The following LYZL1 variants were observed in gnomAD, a reference collection of about 807,000 sequenced individuals.
LYZL1 encodes lysozyme like 1.
LYZL1 carries 16 observed loss-of-function variants against 17.9 expected under a neutral mutation model. That is an observed-to-expected ratio of 0.90 (90% CI 0.61 to 1.36). The LOEUF (loss-of-function observed/expected upper bound fraction) is 1.36, where lower values mean the gene tolerates loss of function less well. Ranked by LOEUF, LYZL1 falls within the 40% of genes most tolerant of loss-of-function variation. LYZL1 has a pLI of 0.00. For synonymous variants in LYZL1, 58 were observed against 71.8 expected (o/e 0.81, Z 0.97); for missense variants, 149 against 188.4 (o/e 0.79, Z 1.22).
intron 1 of LYZL1, among the ~76,000 whole-genome samples, chr10:29,290,607 G>C (rs542634996): frequency 6.6e-6 from 1 of 152,182 alleles, no homozygotes; most frequent in African/African-American, 2.4e-5. Context: ...TTGGGAGGCC[G>C]AGGTGGGCAG....
In LYZL1 at chr10:29,289,417, C is replaced by CTT. The variant is rs11347424; in HGVS notation, c.-26+204_-26+205dup. ...TGTATCTTTTTTTCTTTTTTCTTTT[C>CTT]TTTTTTTTTTTTTTTTTTAGACAGG... On this transcript the variant is annotated intron_variant, in intron 1 of 4. Transcript: ENST00000649382. Among the ~76,000 whole-genome samples, 170 of 128,710 alleles carry CTT rather than the reference C, an allele frequency of 1.3e-3. 1 individual carries two copies. The highest frequency in any genetic ancestry group is 4.7e-3 in the African/African-American group (155 of 32,692). 84.4% of individuals were successfully genotyped at this position (128,710 alleles called of 152,430 possible). A position where few individuals can be genotyped will look rare whatever the true frequency, so the allele number is the denominator to read the frequency against.
intron 3 of LYZL1, among the ~76,000 whole-genome samples, chr10:29,300,713 G>A (rs10826602): frequency 0.39 from 59,534 of 151,958 alleles, 11,995 homozygotes; most frequent in African/African-American, 0.5. Flanking sequence ...GAGGTCTACT[G>A]GCAAGCATTT....
At position 29,290,486 on chromosome 10, in the gene LYZL1, C is replaced by G. The variant is rs576120860; in HGVS notation, c.-26+1256C>G. Among the ~76,000 whole-genome samples the G allele has an allele frequency of 1.4e-4, 22 of 152,248 alleles. No individual in the cohort carries two copies. In the South Asian group the frequency reaches 4.4e-3, roughly 30 times the overall value. On this transcript the variant is annotated intron_variant, in intron 1 of 4. Transcript: ENST00000649382. ...AGTCAGGTGCCAGACTTTTAGGAGG[C>G]CCCCCGGAGCACTGGTGGTGAAGCT...
At position 29,302,552 on chromosome 10, in the gene LYZL1, G is replaced by A. The variant is rs566110970; in HGVS notation, c.299-7558G>A. The stretch of plus-strand genomic sequence containing the variant: ...AGCTGTACATGGATGTTCATATGTC[G>A]CATGTCTCATTAGCATCTTAAATCT... On this transcript the variant is annotated intron_variant, in intron 3 of 4. Transcript: ENST00000649382. 7.5e-4 allele frequency among the ~76,000 whole-genome samples: 114 copies of A among 152,272 alleles called. 2 individuals carry two copies. The highest frequency in any genetic ancestry group is 1.4e-3 in the Non-Finnish European group (96 of 68,012).
At chr10:29,318,185 A>G (rs1274401789) in exon 5 of LYZL1, 2 of 985,286 alleles carry the variant, frequency 2.0e-6, no homozygotes, top group African/African-American at 1.7e-5. Context: ...CTACAAGGGA[A>G]AAAGTTAAAC....
At chr10:29,309,993 A>G (rs1186442374) in intron 3 of LYZL1, 117 bp from the exon 4 acceptor site, 2 of 684,046 alleles carry the variant, frequency 2.9e-6, no homozygotes, top group Non-Finnish European at 4.9e-6. Flanking sequence ...AGGCAAAATC[A>G]TAGTTCTTCC....
At chr10:29,297,861 C>CA (rs1030918342) in intron 3 of LYZL1, among the ~76,000 whole-genome samples, 23 of 152,192 alleles carry the variant, frequency 1.5e-4, no homozygotes, top group Middle Eastern at 3.4e-3. Context: ...AAGTTCCATA[C>CA]AAAAAATCAA....
chr10:29,299,264 C>T (rs1294146584), intron 3 of LYZL1, among the ~76,000 whole-genome samples: 1 of 152,132 alleles, frequency 6.6e-6, no homozygotes, highest in Non-Finnish European at 1.5e-5. Flanking sequence ...GACTTGGTTC[C>T]TAACAGACAA....
intron 2 of LYZL1, 66 bp downstream of exon 2, chr10:29,292,072 G>T (rs1835375964): frequency 1.3e-6 from 2 of 1,537,466 alleles, no homozygotes; most frequent in African/African-American, 1.4e-5. Context: ...TGAAGGTCCT[G>T]GCCACACTCC....
chr10:29,308,903 T>C (rs1281127295), intron 3 of LYZL1, among the ~76,000 whole-genome samples: 2 of 152,198 alleles, frequency 1.3e-5, no homozygotes, highest in Non-Finnish European at 2.9e-5. Flanking sequence ...AGGTTGAGAC[T>C]GCAGTGAGCT....
At chr10:29,298,271 G>C (rs1196650423) in intron 3 of LYZL1, among the ~76,000 whole-genome samples, 1 of 152,174 alleles carries the variant, frequency 6.6e-6, no homozygotes, top group Non-Finnish European at 1.5e-5. Context: ...GGTACAAGGG[G>C]TCTGCAGGGA....
At chr10:29,305,685 C>T (rs913496523) in intron 3 of LYZL1, among the ~76,000 whole-genome samples, 1 of 152,124 alleles carries the variant, frequency 6.6e-6, no homozygotes, top group African/African-American at 2.4e-5. Flanking sequence ...CAAATGCCAG[C>T]GAATTTGCAT....
downstream of LYZL1, among the ~76,000 whole-genome samples, chr10:29,312,922 C>A (rs1835689972): frequency 6.6e-6 from 1 of 152,096 alleles, no homozygotes; most frequent in Non-Finnish European, 1.5e-5. Context: ...TTGGTTATGC[C>A]AACAAGTAAG....
intron 3 of LYZL1, among the ~76,000 whole-genome samples, chr10:29,309,448 T>C (rs372955564): frequency 1.8e-4 from 27 of 152,326 alleles, no homozygotes; most frequent in Admixed American, 5.9e-4. Context: ...AGAGAACTTA[T>C]ATGTCAAACT....
chr10:29,311,203 A>G lies in LYZL1; in HGVS notation c.*144A>G. On this transcript the variant is annotated 3_prime_UTR_variant, in exon 5 of 5. Transcript: ENST00000649382. ...AAAATTAAGCTATACTTTTAAGAAA[A>G]TAAATATTTCCATTTAAATGTCTTC... 6.3e-7 allele frequency: 1 copy of G among 1,584,916 alleles called. No individual in the cohort carries two copies. Among genetic ancestry groups the G allele is most frequent in the Non-Finnish European group, 8.6e-7 (1 of 1,167,968 alleles).
At chr10:29,315,355 C>CA (rs1835717427), downstream of LYZL1, among the ~76,000 whole-genome samples, 1 of 151,776 alleles carries the variant, frequency 6.6e-6, no homozygotes, top group East Asian at 2.0e-4. Context: ...ACTAAAAATA[C>CA]AAAAAAATTA....
downstream of LYZL1, among the ~76,000 whole-genome samples, chr10:29,313,437 A>G (rs1378225228): frequency 6.6e-6 from 1 of 152,202 alleles, no homozygotes; most frequent in Non-Finnish European, 1.5e-5. Context: ...GTTAGCATGA[A>G]CCTGGCACCA....
chr10:29,305,432 A>T (rs972611808), intron 3 of LYZL1, among the ~76,000 whole-genome samples: 2 of 152,244 alleles, frequency 1.3e-5, no homozygotes, highest in Non-Finnish European at 2.9e-5. Flanking sequence ...ATACAGGCTC[A>T]TTAACTGGGT....
intron 3 of LYZL1, among the ~76,000 whole-genome samples, chr10:29,293,841 G>A (rs931992566): frequency 1.3e-5 from 2 of 151,998 alleles, no homozygotes; most frequent in Non-Finnish European, 2.9e-5. Context: ...GGGCACGGTG[G>A]TAGGTGCCTG....
Sources: gnomAD v4.1 joint callset for allele counts (sites outside exome capture counted in the v4.1 genomes callset) on GRCh38, gnomAD v4.1.1 for gene constraint, MANE v1.5 for transcripts, NCBI Gene and HGNC (gene_info 2026-07-23, HGNC 2026-07-21) for gene names.